ZNF678: variants seen among roughly 807,000 people sequenced by gnomAD.
ZNF678 encodes the protein zinc finger protein 678, also known as hypothetical protein MGC42493.
A neutral mutation model predicts 3.0 loss-of-function variants in ZNF678; 5 were observed. That is an observed-to-expected ratio of 1.69 (90% CI 0.88 to 3.56). The LOEUF (loss-of-function observed/expected upper bound fraction) is 3.56, where lower values mean the gene tolerates loss of function less well. ZNF678 is among the 30% of genes most tolerant of loss of function. ZNF678 has a pLI of 0.00. For missense variants in ZNF678, 593 were observed against 605.0 expected, an observed-to-expected ratio of 0.98 and a Z score of 0.21; for synonymous variants, 218 against 199.6, an observed-to-expected ratio of 1.09 and a Z score of -0.78.
At chr1:227,585,229 G>T (rs926432477) in intron 1 of ZNF678, among the ~76,000 whole-genome samples, 7 of 152,158 alleles carry the variant, frequency 4.6e-5, no homozygotes, top group Admixed American at 2.0e-4. Context: ...ACATGGGCTC[G>T]TGGACATCTG....
chr1:227,651,147 TACC>T, intron 3 of ZNF678, 71 bp downstream of exon 3: 1 of 1,552,510 alleles, frequency 6.4e-7, no homozygotes, highest in Non-Finnish European at 8.8e-7. Flanking sequence ...AGAGGGGATA[TACC>T]TGAGTCCTAA....
chr1:227,664,175 T>TA (rs1009607223), downstream of ZNF678, among the ~76,000 whole-genome samples: 1 of 151,862 alleles, frequency 6.6e-6, no homozygotes, highest in African/African-American at 2.4e-5. Flanking sequence ...AGACCCTATT[T>TA]AAAAAAAATA....
chr1:227,652,341 G>C (rs147685248), intron 3 of ZNF678, among the ~76,000 whole-genome samples: 3 of 152,002 alleles, frequency 2.0e-5, no homozygotes, highest in African/African-American at 7.3e-5. Context: ...TATGCCAGTC[G>C]TCTAAAGTTA....
At position 227,651,087 on chromosome 1, in the gene ZNF678, T is replaced by C; in HGVS notation, c.85+11T>C. The C allele has an allele frequency of 6.2e-7, 1 of 1,612,704 alleles. No individual in the cohort carries two copies. On this transcript the variant is annotated intron_variant, in intron 3 of 3. Transcript: ENST00000343776. The stretch of plus-strand genomic sequence containing the variant: ...AACTGGTTTATACAGGTAAAGATTT[T>C]ATCCTATTGGGTCTCCAGGCTGATG...
chr1:227,645,079 A>G (rs1658921614), intron 1 of ZNF678, among the ~76,000 whole-genome samples: 1 of 152,200 alleles, frequency 6.6e-6, no homozygotes, highest in Non-Finnish European at 1.5e-5. Flanking sequence ...TGATAGCAGG[A>G]AAATGAAAAC....
At position 227,659,893 on chromosome 1, in the gene ZNF678, A is replaced by C. The variant is rs894010728; in HGVS notation, c.*4065A>C. On this transcript the variant is annotated 3_prime_UTR_variant, in exon 4 of 4. Coordinates refer to ENST00000343776, the MANE Select transcript of ZNF678 (RefSeq NM_001367909.1). Reference sequence around the variant, plus strand: ...GGTCTTGGCACTTAAAAAAAAAAAAACAATATATTCTCAATAACTGTATTC... The same window carrying C: ...GGTCTTGGCACTTAAAAAAAAAAAACCAATATATTCTCAATAACTGTATTC... 7.5e-5 allele frequency: 8 copies of C among 107,242 alleles called. No individual in the cohort carries two copies. The highest frequency in any genetic ancestry group is 2.9e-4 in the South Asian group (1 of 3,428). The allele number at this position is 107,242 out of a possible 1,614,324, so 6.6% of individuals were successfully genotyped here.
chr1:227,637,449 C>T (rs988106859), intron 1 of ZNF678, among the ~76,000 whole-genome samples: 1 of 152,114 alleles, frequency 6.6e-6, no homozygotes, highest in African/African-American at 2.4e-5. Context: ...CAGCTGCTGC[C>T]AATGCTCAGA....
At position 227,656,544 on chromosome 1, in the gene ZNF678, C is replaced by A. The variant is rs767755476; in HGVS notation, c.*716C>A. 18 of 151,738 alleles carry A rather than the reference C, an allele frequency of 1.2e-4. No homozygotes were observed. Among genetic ancestry groups the A allele is most frequent in the Admixed American group, 5.3e-4 (8 of 15,204 alleles). 9.4% of individuals were successfully genotyped at this position (151,738 alleles called of 1,614,324 possible). ...TGCATAAGAGCTATGAGAAGTTCTT[C>A]TATATTAGATGACCATCATTTATAT... On this transcript the variant is annotated 3_prime_UTR_variant, in exon 4 of 4. Coordinates refer to ENST00000343776, the MANE Select transcript of ZNF678 (RefSeq NM_001367909.1).
At chr1:227,650,586 T>C (rs930446727) in intron 2 of ZNF678, among the ~76,000 whole-genome samples, 1 of 152,182 alleles carries the variant, frequency 6.6e-6, no homozygotes, top group African/African-American at 2.4e-5. Flanking sequence ...TATGACACTT[T>C]ACAATAATTA....
downstream of ZNF678, among the ~76,000 whole-genome samples, chr1:227,664,930 G>A (rs779605530): frequency 5.3e-5 from 8 of 152,246 alleles, no homozygotes; most frequent in Admixed American, 3.3e-4. Flanking sequence ...GAGACTGGAC[G>A]CAGTCAGGGC....
chr1:227,574,196 G>C (rs1656930371), intron 1 of ZNF678, among the ~76,000 whole-genome samples: 1 of 152,182 alleles, frequency 6.6e-6, no homozygotes, highest in African/African-American at 2.4e-5. Context: ...CCAGTAATGA[G>C]ATAGCTGGGT....
intron 1 of ZNF678, among the ~76,000 whole-genome samples, chr1:227,595,199 T>C (rs886308711): frequency 1.3e-5 from 2 of 151,998 alleles, no homozygotes; most frequent in Non-Finnish European, 2.9e-5. Context: ...TCTCTCTTTC[T>C]TTCTGTCTTT....
chr1:227,611,450 C>T (rs959379063), intron 1 of ZNF678, among the ~76,000 whole-genome samples: 8 of 152,150 alleles, frequency 5.3e-5, no homozygotes, highest in Non-Finnish European at 1.0e-4. Context: ...GCTAAAGAGG[C>T]CCAGCATGTT....
rs540793320 is a variant in ZNF678 at position 227,649,641 on chromosome 1, C to T, written c.-36-1315C>T. On this transcript the variant is annotated intron_variant, in intron 2 of 3. Coordinates refer to ENST00000343776, the MANE Select transcript of ZNF678 (RefSeq NM_001367909.1). ...CTGGGATTATAGACATGAGCCACTGCGCTTAGCCGGTTTCTTCACATTATT... is the reference window on the plus strand; with the variant it reads ...CTGGGATTATAGACATGAGCCACTGTGCTTAGCCGGTTTCTTCACATTATT... Among the ~76,000 whole-genome samples, 51 of 152,264 alleles carry T rather than the reference C, an allele frequency of 3.3e-4. 1 individual carries two copies. The South Asian group carries it at 8.3e-3, about 25-fold the overall frequency.
At chr1:227,602,295 A>T (rs559471008) in intron 1 of ZNF678, among the ~76,000 whole-genome samples, 65 of 152,372 alleles carry the variant, frequency 4.3e-4, no homozygotes, top group African/African-American at 1.5e-3. Context: ...GTTTCAAATT[A>T]CTTATCAGTT....
At chr1:227,574,234 T>G (rs1178938487) in intron 1 of ZNF678, among the ~76,000 whole-genome samples, 1 of 152,206 alleles carries the variant, frequency 6.6e-6, no homozygotes. Context: ...TTTAGTTCTT[T>G]GAGGAAGCAC....
chr1:227,663,483 G>A (rs542394407), downstream of ZNF678, among the ~76,000 whole-genome samples: 8 of 152,152 alleles, frequency 5.3e-5, no homozygotes, highest in East Asian at 1.9e-4. Context: ...AGAGAAATGC[G>A]TAGGATACCT....
intron 1 of ZNF678, among the ~76,000 whole-genome samples, chr1:227,612,853 A>G (rs1039361641): frequency 1.3e-5 from 2 of 151,978 alleles, no homozygotes; most frequent in African/African-American, 2.4e-5. Context: ...GGTGACACCT[A>G]CAACCTACAC....
chr1:227,589,048 T>TAGA (rs1558134143), intron 1 of ZNF678, among the ~76,000 whole-genome samples: 8 of 152,186 alleles, frequency 5.3e-5, no homozygotes, highest in South Asian at 2.1e-4. Context: ...TGGACCTTTG[T>TAGA]CAGATGGATA....
Sources: allele counts gnomAD v4.1 joint callset (sites outside exome capture counted in the v4.1 genomes callset), GRCh38; gene constraint gnomAD v4.1.1; transcripts MANE v1.5; gene names NCBI Gene and HGNC (gene_info 2026-07-23, HGNC 2026-07-21).